PCDH15: variants seen among roughly 807,000 people sequenced by gnomAD.
The protein encoded by PCDH15 is protocadherin-15.
PCDH15 carries 129 observed loss-of-function variants against 178.5 expected under a neutral mutation model. That is an observed-to-expected ratio of 0.72 (90% CI 0.63 to 0.84). PCDH15 has a LOEUF of 0.84. Ranked by LOEUF, PCDH15 falls within the 40% of genes least tolerant of loss-of-function variation. The pLI is 0.00. For missense variants in PCDH15, 2,230 were observed against 2,099.9 expected (o/e 1.06, Z -1.21); for synonymous variants, 800 against 732.0 (o/e 1.09, Z -1.50).
chr10:54,836,280 G>A (rs942482457), intron 3 of PCDH15, among the ~76,000 whole-genome samples: 1 of 152,068 alleles, frequency 6.6e-6, no homozygotes, highest in Admixed American at 6.6e-5. Flanking sequence ...ATCAGAAATG[G>A]AGAGCATTCC....
At chr10:54,421,561 C>T (rs1424347861) in intron 3 of PCDH15, among the ~76,000 whole-genome samples, 1 of 142,892 alleles carries the variant, frequency 7.0e-6, no homozygotes, top group African/African-American at 2.5e-5. Flanking sequence ...TTAACTAATT[C>T]GTATAAGATG....
chr10:54,209,906 G>T (rs1163197665), intron 10 of PCDH15, among the ~76,000 whole-genome samples: 1 of 152,058 alleles, frequency 6.6e-6, no homozygotes, highest in African/African-American at 2.4e-5. Context: ...TTCATGTAGG[G>T]ACAGGGGTTG....
chr10:55,288,327 C>A (rs1007057034), intron 1 of PCDH15, among the ~76,000 whole-genome samples: 8 of 151,308 alleles, frequency 5.3e-5, no homozygotes, highest in Non-Finnish European at 1.2e-4. Flanking sequence ...ATTTTAACCA[C>A]ATAGCAATCT....
intron 1 of PCDH15, among the ~76,000 whole-genome samples, chr10:55,294,459 C>T (rs995458068): frequency 5.9e-5 from 9 of 151,986 alleles, no homozygotes; most frequent in African/African-American, 2.2e-4. Flanking sequence ...AGTAATGATC[C>T]CAGGGAGATG....
chr10:54,828,202 C>T (rs1042947692), intron 3 of PCDH15, among the ~76,000 whole-genome samples: 1 of 151,728 alleles, frequency 6.6e-6, no homozygotes, highest in Non-Finnish European at 1.5e-5. Context: ...TGGCTTGGAC[C>T]CATACTACCC....
chr10:53,961,029 A>T (rs1164425885), intron 22 of PCDH15, among the ~76,000 whole-genome samples: 1 of 152,168 alleles, frequency 6.6e-6, no homozygotes, highest in African/African-American at 2.4e-5. Context: ...CAAAAGAGGG[A>T]ATATGTTCTG....
intron 1 of PCDH15, among the ~76,000 whole-genome samples, chr10:54,794,944 A>C (rs1951810139): frequency 6.6e-6 from 1 of 151,840 alleles, no homozygotes; most frequent in Non-Finnish European, 1.5e-5. Flanking sequence ...TTTAACATAA[A>C]ATTGAAAATC....
At chr10:55,452,268 T>C (rs929464099) in intron 2 of PCDH15, among the ~76,000 whole-genome samples, 5 of 152,114 alleles carry the variant, frequency 3.3e-5, no homozygotes, top group Admixed American at 6.5e-5. Context: ...TTGTGTTAAG[T>C]TGTCTCTGAA....
At chr10:54,810,042 A>C (rs1487326564) in intron 3 of PCDH15, among the ~76,000 whole-genome samples, 3 of 152,168 alleles carry the variant, frequency 2.0e-5, no homozygotes, top group African/African-American at 7.2e-5. Flanking sequence ...TTCTTCTGAA[A>C]AGTGATACTT....
At chr10:55,270,175 T>C (rs1486642439) in intron 1 of PCDH15, among the ~76,000 whole-genome samples, 3 of 152,116 alleles carry the variant, frequency 2.0e-5, no homozygotes, top group Admixed American at 6.6e-5. Context: ...TCAAATCCTA[T>C]AACAACCCTA....
chr10:55,252,033 T>C (rs574046514), intron 1 of PCDH15, among the ~76,000 whole-genome samples: 1 of 152,298 alleles, frequency 6.6e-6, no homozygotes, highest in South Asian at 2.1e-4. Flanking sequence ...ATAAGGGAGA[T>C]GAGGAAGTGC....
intron 3 of PCDH15, among the ~76,000 whole-genome samples, chr10:54,832,394 T>C (rs906771470): frequency 3.9e-5 from 6 of 152,234 alleles, no homozygotes; most frequent in African/African-American, 9.6e-5. Flanking sequence ...ATTAGATATA[T>C]AAACATGCAG....
intron 1 of PCDH15, among the ~76,000 whole-genome samples, chr10:54,792,181 A>G (rs1453605108): frequency 6.6e-6 from 1 of 151,908 alleles, no homozygotes; most frequent in Non-Finnish European, 1.5e-5. Flanking sequence ...TACTCTAAAC[A>G]AAGGACCAGA....
chr10:55,314,579 C>A (rs953092419), intron 1 of PCDH15, among the ~76,000 whole-genome samples: 36 of 148,516 alleles, frequency 2.4e-4, no homozygotes, highest in Non-Finnish European at 2.2e-4. Flanking sequence ...GCTCTCTAAA[C>A]AAAAAAAAAA....
At chr10:55,545,183 G>T (rs1241726232) in intron 2 of PCDH15, among the ~76,000 whole-genome samples, 1 of 151,788 alleles carries the variant, frequency 6.6e-6, no homozygotes, top group African/African-American at 2.4e-5. Context: ...TATTTAGTCT[G>T]TCTAAATCTG....
chr10:54,104,137 G>A (rs1388915021), intron 15 of PCDH15, among the ~76,000 whole-genome samples: 1 of 152,272 alleles, frequency 6.6e-6, no homozygotes, highest in East Asian at 1.9e-4. Flanking sequence ...TGTTGCTTCA[G>A]GCAGTGCAAG....
intron 11 of PCDH15, among the ~76,000 whole-genome samples, chr10:54,191,942 GA>G (rs1352778547): frequency 8.5e-6 from 1 of 118,162 alleles, no homozygotes; most frequent in South Asian, 3.1e-4. Context: ...GCAAGGGAAA[GA>G]AAAAAAAGAA....
intron 2 of PCDH15, among the ~76,000 whole-genome samples, chr10:55,583,686 G>A (rs1263707507): frequency 1.3e-5 from 2 of 151,990 alleles, no homozygotes; most frequent in African/African-American, 2.4e-5. Context: ...CACCCATCTC[G>A]GCCTCCCAAA....
At chr10:54,092,864 C>A (rs531725123) in intron 15 of PCDH15, among the ~76,000 whole-genome samples, 34 of 152,118 alleles carry the variant, frequency 2.2e-4, no homozygotes, top group Non-Finnish European at 3.7e-4. Context: ...TAGATATGAT[C>A]ATGTTCTTTT....
Sources: allele counts gnomAD v4.1 joint callset (sites outside exome capture counted in the v4.1 genomes callset), GRCh38; gene constraint gnomAD v4.1.1; transcripts MANE v1.5; gene names NCBI Gene and HGNC (gene_info 2026-07-23, HGNC 2026-07-21).